SYTL2: variants seen among roughly 807,000 people sequenced by gnomAD.
SYTL2 encodes the protein synaptotagmin like 2, also known as synaptotagmin-like protein 2.
Under a neutral mutation model 198.7 loss-of-function variants are expected in SYTL2, and 165 were observed. The ratio of observed to expected loss-of-function variants is 0.83; its 90% CI spans 0.73 to 0.94. The LOEUF (loss-of-function observed/expected upper bound fraction) is 0.94, where lower values mean the gene tolerates loss of function less well. Ranked by LOEUF, SYTL2 falls within the 40% of genes least tolerant of loss-of-function variation. The pLI is 0.00. For synonymous variants in SYTL2, 966 were observed against 917.7 expected (o/e 1.05, Z -0.95); for missense variants, 2,835 against 2,582.8 (o/e 1.10, Z -2.12).
chr11:85,834,937 T>A, the SYTL2 span, among the ~76,000 whole-genome samples: 1 of 151,968 alleles, frequency 6.6e-6, no homozygotes, highest in Non-Finnish European at 1.5e-5. Context: ...TTTTTAAAAT[T>A]TTTGTAGAGA....
Position 85,724,313 on chromosome 11 carries a change from G to T in SYTL2, c.5045C>A (p.Pro1682Gln), listed in dbSNP as rs2153461557. 1 of 1,576,904 alleles carries T rather than the reference G, an allele frequency of 6.3e-7. No homozygotes were observed. The highest frequency in any genetic ancestry group is 2.2e-5 in the East Asian group (1 of 44,738). Residue 1682 changes from proline (P) to glutamine (Q), a missense_variant, in exon 8 of 20, where the codon CCA becomes CAA. Pro to Gln is a moderately conservative substitution (Grantham distance 76). Transcript: ENST00000359152. ...EIGTIKTVTP[P>Q]EDRDSESGVA... Reference sequence around the variant, plus strand: ...CCCACTTTCACTGTCCCTGTCCTCTGGGGGGGTTACAGTTTTAATGGTCCC... The same window carrying T: ...CCCACTTTCACTGTCCCTGTCCTCTTGGGGGGTTACAGTTTTAATGGTCCC...
chr11:85,710,896 C>A (rs1409468379), intron 13 of SYTL2, among the ~76,000 whole-genome samples: 1 of 151,520 alleles, frequency 6.6e-6, no homozygotes, highest in African/African-American at 2.4e-5. Flanking sequence ...TCAACAACAA[C>A]AAAAAACCCC....
intron 1 of SYTL2, among the ~76,000 whole-genome samples, chr11:85,805,162 A>C (rs903058090): frequency 9.9e-5 from 15 of 152,128 alleles, no homozygotes. Context: ...AACGTGTCCC[A>C]AAATGGCATA....
chr11:85,795,154 A>G (rs1056831541), intron 1 of SYTL2, among the ~76,000 whole-genome samples: 3 of 152,192 alleles, frequency 2.0e-5, no homozygotes, highest in African/African-American at 7.2e-5. Flanking sequence ...ACCTTGTATT[A>G]GCTGTAATAC....
chr11:85,794,746 A>C (rs2092778765), intron 1 of SYTL2, among the ~76,000 whole-genome samples: 1 of 152,224 alleles, frequency 6.6e-6, no homozygotes, highest in South Asian at 2.1e-4. Flanking sequence ...AGTAAGTCTC[A>C]AACATGAAAT....
intron 7 of SYTL2, among the ~76,000 whole-genome samples, chr11:85,730,050 T>C (rs675513): frequency 0.69 from 104,941 of 152,116 alleles, 36,957 homozygotes; most frequent in African/African-American, 0.83. Context: ...CAGGAAGACG[T>C]TGAATCCCTG....
At chr11:85,748,704 G>C (rs1367385633) in intron 2 of SYTL2, among the ~76,000 whole-genome samples, 1 of 152,222 alleles carries the variant, frequency 6.6e-6, no homozygotes, top group Non-Finnish European at 1.5e-5. Flanking sequence ...GCATTCTTCA[G>C]TGTCTGCTGT....
intron 4 of SYTL2, among the ~76,000 whole-genome samples, chr11:85,742,120 C>T (rs1419797567): frequency 6.6e-6 from 1 of 152,164 alleles, no homozygotes; most frequent in Non-Finnish European, 1.5e-5. Context: ...CATTACAAAC[C>T]TCTGCAGCAG....
At chr11:85,844,483 C>T in the SYTL2 span, among the ~76,000 whole-genome samples, 1 of 152,140 alleles carries the variant, frequency 6.6e-6, no homozygotes, top group Non-Finnish European at 1.5e-5. Context: ...GCCTCATTCT[C>T]CAGATGTGAG....
chr11:85,788,401 C>G (rs1181005580), intron 1 of SYTL2, among the ~76,000 whole-genome samples: 12 of 152,100 alleles, frequency 7.9e-5, no homozygotes, highest in Non-Finnish European at 1.5e-5. Flanking sequence ...CAGTAAGTTG[C>G]AGAGTTAGTG....
chr11:85,728,627 CT>C (rs1275198839), intron 7 of SYTL2, among the ~76,000 whole-genome samples: 5 of 152,108 alleles, frequency 3.3e-5, no homozygotes, highest in African/African-American at 1.2e-4. Flanking sequence ...ACTTTTAAAT[CT>C]TTGTATAAAA....
At chr11:85,852,917 C>A in the SYTL2 span, 2 of 303,160 alleles carry the variant, frequency 6.6e-6, no homozygotes, top group Non-Finnish European at 1.3e-5. Flanking sequence ...GCGACCCCGT[C>A]TGGGAGGTGA....
At chr11:85,758,833 G>C (rs752244240) in intron 1 of SYTL2, among the ~76,000 whole-genome samples, 4 of 152,230 alleles carry the variant, frequency 2.6e-5, no homozygotes, top group Non-Finnish European at 5.9e-5. Flanking sequence ...TATGTAATGG[G>C]AAGGAAGTGA....
At chr11:85,826,709 A>C in the SYTL2 span, among the ~76,000 whole-genome samples, 2 of 152,252 alleles carry the variant, frequency 1.3e-5, no homozygotes, top group East Asian at 3.8e-4. Flanking sequence ...GTTGCTACCC[A>C]TGCTCGTTTA....
At chr11:85,823,464 T>C in the SYTL2 span, among the ~76,000 whole-genome samples, 5,794 of 152,314 alleles carry the variant, frequency 0.038, 257 homozygotes, top group African/African-American at 0.11. Flanking sequence ...AGGCAAGAAA[T>C]AGCATGTGGA....
At position 85,726,219 on chromosome 11, in the gene SYTL2, C is replaced by A. The variant is rs2089154383; in HGVS notation, c.3139G>T (p.Ala1047Ser). ...EVLLSPKKVM[A>S]REEMEKLNSK... ...TTTAATTTCTCCATTTCCTCTCTTGCCATAACTTTTTTTGGGCTTAGAAGC... is the reference window on the plus strand; with the variant it reads ...TTTAATTTCTCCATTTCCTCTCTTGACATAACTTTTTTTGGGCTTAGAAGC... Residue 1047 changes from alanine (A) to serine (S), a missense_variant, in exon 8 of 20, where the codon GCA becomes TCA. By Grantham distance (99) the Ala-to-Ser change is moderately conservative. Coordinates refer to ENST00000359152, the MANE Select transcript of SYTL2 (RefSeq NM_206927.4). The A allele has an allele frequency of 6.2e-7, 1 of 1,613,066 alleles. No homozygotes were observed. The highest frequency in any genetic ancestry group is 8.5e-7 in the Non-Finnish European group (1 of 1,179,730).
intron 10 of SYTL2, chr11:85,717,783 T>C (rs1591696950): frequency 5.7e-6 from 3 of 529,226 alleles, no homozygotes; most frequent in Non-Finnish European, 1.1e-5. Flanking sequence ...TAGACCACAG[T>C]ATGGAAAATG....
intron 9 of SYTL2, chr11:85,719,399 A>AT (rs3216102): frequency 3.2e-4 from 302 of 946,286 alleles, no homozygotes; most frequent in Middle Eastern, 9.5e-4. Context: ...GCTGATGGTG[A>AT]TTTTTTTTTA....
At chr11:85,777,837 T>TTTTTTTA (rs2092481502) in intron 1 of SYTL2, among the ~76,000 whole-genome samples, 35 of 136,046 alleles carry the variant, frequency 2.6e-4, no homozygotes, top group South Asian at 6.9e-4. Flanking sequence ...TTTTTTTTTT[T>TTTTTTTA]GAGACCGAGT....
Sources: gnomAD v4.1 joint callset for allele counts (sites outside exome capture counted in the v4.1 genomes callset) on GRCh38, gnomAD v4.1.1 for gene constraint, MANE v1.5 for transcripts, NCBI Gene and HGNC (gene_info 2026-07-23, HGNC 2026-07-21) for gene names.